NPEPPS: variants seen among roughly 807,000 people sequenced by gnomAD.
NPEPPS encodes puromycin-sensitive aminopeptidase.
A neutral mutation model predicts 115.5 loss-of-function variants in NPEPPS; 14 were observed. The observed-to-expected ratio is 0.12, with a 90% CI of 0.08 to 0.19. The LOEUF (loss-of-function observed/expected upper bound fraction) is 0.19, where lower values mean the gene tolerates loss of function less well. Among genes scored for constraint, NPEPPS ranks in the 10% least tolerant of loss-of-function variants. The pLI is 1.00. For missense variants in NPEPPS, 523 were observed against 1,110.8 expected (o/e 0.47, Z 7.52); for synonymous variants, 285 against 390.6 (o/e 0.73, Z 3.19).
intron 1 of NPEPPS, among the ~76,000 whole-genome samples, chr17:47,537,854 A>G (rs1487180936): frequency 6.7e-6 from 1 of 149,994 alleles, no homozygotes; most frequent in African/African-American, 2.5e-5. Flanking sequence ...ACCCCAAACT[A>G]TGTACTATAA....
chr17:47,550,783 C>T (rs1164488145), intron 2 of NPEPPS, among the ~76,000 whole-genome samples: 1 of 151,848 alleles, frequency 6.6e-6, no homozygotes, highest in African/African-American at 2.4e-5. Flanking sequence ...TGCACCACCA[C>T]ACCCAGCTAA....
At chr17:47,606,845 G>A (rs1057159845) in intron 17 of NPEPPS, among the ~76,000 whole-genome samples, 1 of 151,934 alleles carries the variant, frequency 6.6e-6, no homozygotes, top group African/African-American at 2.4e-5. Flanking sequence ...ATTCTAATGG[G>A]AGACATAGCA....
chr17:47,530,502 G>T (rs1423829706), upstream of NPEPPS, among the ~76,000 whole-genome samples: 1 of 150,748 alleles, frequency 6.6e-6, no homozygotes, highest in Non-Finnish European at 1.5e-5. Flanking sequence ...GACTACAGGC[G>T]CCCGCCACCA....
intron 22 of NPEPPS, 121 bp downstream of exon 22, chr17:47,619,905 A>T: frequency 1.2e-6 from 1 of 847,674 alleles, no homozygotes; most frequent in Non-Finnish European, 2.0e-6. Flanking sequence ...TTAGAGAAAG[A>T]CATCATGCAG....
intron 2 of NPEPPS, among the ~76,000 whole-genome samples, chr17:47,563,537 A>T (rs1339008615): frequency 6.6e-6 from 1 of 152,190 alleles, no homozygotes; most frequent in Non-Finnish European, 1.5e-5. Flanking sequence ...AGTTGGATCA[A>T]TAAAGAACTG....
chr17:47,559,860 C>T (rs547158307), intron 2 of NPEPPS, among the ~76,000 whole-genome samples: 1 of 152,176 alleles, frequency 6.6e-6, no homozygotes, highest in African/African-American at 2.4e-5. Flanking sequence ...CCTTCCACCT[C>T]GCCTCCCAAA....
chr17:47,618,306 CA>C, intron 19 of NPEPPS, 43 bp from the exon 20 acceptor site: 1 of 1,316,666 alleles, frequency 7.6e-7, no homozygotes, highest in Non-Finnish European at 1.1e-6. Flanking sequence ...GCAGAACATC[CA>C]AGGGAGAGTT....
chr17:47,555,626 C>T (rs2143752300), intron 2 of NPEPPS, among the ~76,000 whole-genome samples: 1 of 151,980 alleles, frequency 6.6e-6, no homozygotes, highest in Admixed American at 6.6e-5. Context: ...GGATTACAGG[C>T]ACAAGCCACC....
intron 21 of NPEPPS, 151 bp downstream of exon 21, chr17:47,619,315 A>C: frequency 1.3e-6 from 1 of 763,122 alleles, no homozygotes; most frequent in Admixed American, 2.1e-5. Flanking sequence ...GCACTTTGGG[A>C]CGCCGAGGTG....
At chr17:47,564,151 A>G (rs1910639270) in intron 2 of NPEPPS, among the ~76,000 whole-genome samples, 2 of 151,996 alleles carry the variant, frequency 1.3e-5, no homozygotes, top group Non-Finnish European at 2.9e-5. Flanking sequence ...CAAACTCCTG[A>G]CCTCAAGTGA....
At chr17:47,532,678 AAAAG>A (rs1907901160) in intron 1 of NPEPPS, among the ~76,000 whole-genome samples, 3 of 151,220 alleles carry the variant, frequency 2.0e-5, no homozygotes, top group Non-Finnish European at 3.0e-5. Flanking sequence ...AAAAAAAAAA[AAAAG>A]GAAAGAAAGA....
intron 5 of NPEPPS, among the ~76,000 whole-genome samples, 159 bp downstream of exon 5, chr17:47,583,008 T>G (rs981875699): frequency 6.6e-6 from 1 of 151,110 alleles, no homozygotes; most frequent in African/African-American, 2.4e-5. Flanking sequence ...CTCTTTTTCT[T>G]TCTTTTTTTT....
chr17:47,598,316 T>TAAAA (rs201585783), intron 13 of NPEPPS, among the ~76,000 whole-genome samples: 2 of 151,290 alleles, frequency 1.3e-5, no homozygotes, highest in Non-Finnish European at 2.9e-5. Flanking sequence ...CTACTAAAAG[T>TAAAA]AAAAAAAACT....
intron 12 of NPEPPS, among the ~76,000 whole-genome samples, chr17:47,594,337 ATAAAT>A (rs1384824950): frequency 1.3e-5 from 2 of 152,118 alleles, no homozygotes; most frequent in African/African-American, 4.8e-5. Context: ...TTCTTGAATA[ATAAAT>A]TAACCTTAGC....
At chr17:47,528,374 A>G (rs915892935), upstream of NPEPPS, among the ~76,000 whole-genome samples, 4 of 152,188 alleles carry the variant, frequency 2.6e-5, no homozygotes, top group Non-Finnish European at 5.9e-5. Context: ...CTACATATAT[A>G]TAAGAAAAGG....
intron 2 of NPEPPS, among the ~76,000 whole-genome samples, chr17:47,560,888 A>G (rs1235229182): frequency 6.6e-6 from 1 of 152,202 alleles, no homozygotes; most frequent in Admixed American, 6.5e-5. Flanking sequence ...TGTGGGCTAT[A>G]TAGAATTATG....
chr17:47,601,359 C>T (rs1170628679), intron 14 of NPEPPS, among the ~76,000 whole-genome samples: 1 of 151,932 alleles, frequency 6.6e-6, no homozygotes, highest in African/African-American at 2.4e-5. Context: ...TAAGTCATTG[C>T]ATTTGTGATT....
rs181303288 is a variant in NPEPPS, at chr17:47,538,355, C to G, written c.255+6800C>G. ...TCAGCCTCCCTAGTAGCTAGGATTA[C>G]AGGTGCATGCCACCACACCTGGCTA... On this transcript the variant is annotated intron_variant, in intron 1 of 22. Coordinates refer to ENST00000322157, the MANE Select transcript of NPEPPS (RefSeq NM_006310.4). Among the ~76,000 whole-genome samples the G allele has an allele frequency of 5.7e-4, 86 of 150,852 alleles. 3 individuals carry two copies. In the East Asian group the frequency reaches 0.016, roughly 28 times the overall value.
At chr17:47,617,882 TTTTTC>T (rs1056488172) in intron 19 of NPEPPS, among the ~76,000 whole-genome samples, 1 of 151,972 alleles carries the variant, frequency 6.6e-6, no homozygotes, top group Non-Finnish European at 1.5e-5. Flanking sequence ...CATCATTTTT[TTTTTC>T]TTTTATTTTT....
Sources: allele counts gnomAD v4.1 joint callset (sites outside exome capture counted in the v4.1 genomes callset), GRCh38; gene constraint gnomAD v4.1.1; transcripts MANE v1.5; gene names NCBI Gene and HGNC (gene_info 2026-07-23, HGNC 2026-07-21).